Variants in MYRIP observed in about 807,000 individuals in gnomAD.
MYRIP encodes myosin VIIA and Rab interacting protein, also known as rab effector MyRIP.
In MYRIP, 49 loss-of-function variants were observed where a neutral mutation model predicts 98.0. The observed-to-expected ratio is 0.50, with a 90% CI of 0.40 to 0.63. The LOEUF (loss-of-function observed/expected upper bound fraction) is 0.63. Ranked by LOEUF, MYRIP falls within the 30% of genes least tolerant of loss-of-function variation. MYRIP has a pLI of 0.00. For synonymous variants in MYRIP, 404 were observed against 409.5 expected (o/e 0.99, Z 0.16); for missense variants, 1,004 against 1,058.2 (o/e 0.95, Z 0.71).
chr3:40,247,868 T>G (rs775686552), intron 13 of MYRIP, among the ~76,000 whole-genome samples: 31 of 152,270 alleles, frequency 2.0e-4, no homozygotes, highest in Non-Finnish European at 4.1e-4. Context: ...CTGGGAAATG[T>G]GTTGGTCCTG....
chr3:39,827,198 A>G (rs1419813996), intron 1 of MYRIP, among the ~76,000 whole-genome samples: 1 of 152,102 alleles, frequency 6.6e-6, no homozygotes, highest in African/African-American at 2.4e-5. Flanking sequence ...CTCCAGCCTC[A>G]AACTCCTGAA....
chr3:40,180,237 A>C (rs969715056), intron 8 of MYRIP, among the ~76,000 whole-genome samples: 3 of 152,068 alleles, frequency 2.0e-5, no homozygotes, highest in African/African-American at 7.2e-5. Context: ...GATCCTTTTT[A>C]TTTCTTTCTC....
chr3:40,167,462 C>G (rs1170571630), intron 7 of MYRIP, among the ~76,000 whole-genome samples: 3 of 152,218 alleles, frequency 2.0e-5, no homozygotes, highest in Non-Finnish European at 4.4e-5. Flanking sequence ...TACGCTGTCC[C>G]TTGCATGGTG....
intron 2 of MYRIP, among the ~76,000 whole-genome samples, chr3:39,927,555 A>G (rs1056888628): frequency 6.6e-6 from 1 of 151,972 alleles, no homozygotes; most frequent in Non-Finnish European, 1.5e-5. Context: ...AATCATAAAA[A>G]ACCTACCAAC....
intron 1 of MYRIP, among the ~76,000 whole-genome samples, chr3:39,873,093 G>C (rs1038278695): frequency 6.6e-6 from 1 of 152,152 alleles, no homozygotes. Context: ...GGCCAGTGAT[G>C]GTGAGCATTT....
intron 3 of MYRIP, among the ~76,000 whole-genome samples, chr3:40,107,228 A>G (rs959053601): frequency 6.6e-6 from 1 of 152,274 alleles, no homozygotes; most frequent in African/African-American, 2.4e-5. Context: ...GATGTAACAG[A>G]GAACATTACA....
At chr3:40,029,314 A>G (rs1240472930) in intron 2 of MYRIP, among the ~76,000 whole-genome samples, 2 of 152,172 alleles carry the variant, frequency 1.3e-5, no homozygotes, top group Non-Finnish European at 2.9e-5. Context: ...TTTACCCCAT[A>G]GAATTATTAG....
At chr3:40,039,517 G>A (rs1947462179) in intron 2 of MYRIP, among the ~76,000 whole-genome samples, 2 of 151,992 alleles carry the variant, frequency 1.3e-5, no homozygotes, top group Admixed American at 6.6e-5. Flanking sequence ...AAGATCAGTG[G>A]GGGATCTCAA....
intron 1 of MYRIP, among the ~76,000 whole-genome samples, chr3:39,888,459 G>A (rs111445802): frequency 4.6e-5 from 7 of 152,170 alleles, no homozygotes; most frequent in East Asian, 1.9e-4. Context: ...ATGGTGCTGG[G>A]AAAACTGGCT....
intron 3 of MYRIP, among the ~76,000 whole-genome samples, chr3:40,134,747 A>T (rs540251744): frequency 1.3e-5 from 2 of 152,216 alleles, no homozygotes; most frequent in Non-Finnish European, 2.9e-5. Flanking sequence ...TTCTGCAGCC[A>T]CCGCTGCTGA....
At chr3:40,192,309 C>CATATATATATGAT (rs1322376887) in intron 10 of MYRIP, among the ~76,000 whole-genome samples, 1 of 57,954 alleles carries the variant, frequency 1.7e-5, no homozygotes, top group Non-Finnish European at 2.8e-5. Flanking sequence ...TAGTTTTCTT[C>CATATATATATGAT]ATATATATAT....
intron 3 of MYRIP, among the ~76,000 whole-genome samples, chr3:40,130,638 C>A (rs562392031): frequency 1.1e-4 from 16 of 152,086 alleles, no homozygotes; most frequent in Non-Finnish European, 2.4e-4. Flanking sequence ...CCTCGGCCTC[C>A]CAAAGTGCTG....
chr3:39,876,965 G>A lies in MYRIP; in HGVS notation c.-30-23822G>A, dbSNP rs184612330. On this transcript the variant is annotated intron_variant, in intron 1 of 16. Transcript: ENST00000302541. ...CCAACTTGGTTTGATTCTCCCCGTC[G>A]CTTTCAGGTACACCAATCAGACATA... Among the ~76,000 whole-genome samples, 1,348 of 152,194 alleles carry A rather than the reference G, an allele frequency of 8.9e-3. 13 individuals are homozygous for A. The highest frequency in any genetic ancestry group is 0.03 in the African/African-American group (1,259 of 41,516).
chr3:40,180,470 A>G (rs896660567), intron 8 of MYRIP, among the ~76,000 whole-genome samples: 1 of 152,248 alleles, frequency 6.6e-6, no homozygotes, highest in African/African-American at 2.4e-5. Flanking sequence ...GCAAGAGTGC[A>G]GTAAAACATA....
At chr3:40,069,371 C>T (rs1030826733) in intron 3 of MYRIP, among the ~76,000 whole-genome samples, 2 of 150,990 alleles carry the variant, frequency 1.3e-5, no homozygotes, top group Non-Finnish European at 2.9e-5. Context: ...TCCAACCTAC[C>T]TCAAGGCCAA....
At chr3:40,142,001 AG>A (rs1357918540) in intron 3 of MYRIP, among the ~76,000 whole-genome samples, 2 of 149,542 alleles carry the variant, frequency 1.3e-5, no homozygotes, top group Admixed American at 6.7e-5. Context: ...ATATTTTGAT[AG>A]GGATTGCATT....
intron 2 of MYRIP, among the ~76,000 whole-genome samples, chr3:39,937,245 T>C (rs928182564): frequency 5.3e-5 from 8 of 152,234 alleles, no homozygotes; most frequent in Non-Finnish European, 4.4e-5. Context: ...ATTAACATTG[T>C]GCATGTGCCT....
intron 2 of MYRIP, among the ~76,000 whole-genome samples, chr3:39,960,217 G>A (rs761497133): frequency 1.3e-5 from 2 of 152,000 alleles, no homozygotes; most frequent in Admixed American, 1.3e-4. Flanking sequence ...AAACCCACTA[G>A]TCCCATCTCT....
At chr3:40,017,142 G>T (rs1418265637) in intron 2 of MYRIP, among the ~76,000 whole-genome samples, 15 of 152,166 alleles carry the variant, frequency 9.9e-5, no homozygotes, top group Admixed American at 9.8e-4. Context: ...TTTAAAATTT[G>T]AAGAGAACTT....
Sources: gnomAD v4.1 joint callset for allele counts (sites outside exome capture counted in the v4.1 genomes callset) on GRCh38, gnomAD v4.1.1 for gene constraint, MANE v1.5 for transcripts, NCBI Gene and HGNC (gene_info 2026-07-23, HGNC 2026-07-21) for gene names.